The following LAYN variants were observed in gnomAD, a reference collection of about 807,000 sequenced individuals.
LAYN encodes layilin.
LAYN carries 38 observed loss-of-function variants against 43.6 expected under a neutral mutation model. That is an observed-to-expected ratio of 0.87 (90% confidence interval 0.67 to 1.14). The LOEUF is 1.14. Ranked by LOEUF, LAYN falls within the 50% of genes most tolerant of loss-of-function variation. The probability of loss-of-function intolerance (pLI) is 0.00; values close to 1 mark genes in which losing one functional copy is unlikely to be tolerated. For synonymous variants in LAYN, 168 were observed against 172.9 expected (o/e 0.97, Z 0.22); for missense variants, 479 against 463.8 (o/e 1.03, Z -0.30).
At position 111,560,294 on chromosome 11, in the gene LAYN, T is replaced by C. The variant is rs769001778; in HGVS notation, c.961T>C (p.Cys321Arg). The change falls in exon 7 of 7, where the codon TGT becomes CGT. Residue 321 changes from cysteine (C) to arginine (R), a missense_variant. Cys to Arg is a radical substitution (Grantham distance 180). Transcript: ENST00000375614. ...SGEATPDDMS[C>R]DYDNMAVNPS... The stretch of plus-strand genomic sequence containing the variant: ...AGAAGCCACTCCCGATGACATGTCT[T>C]GTGACTATGACAACATGGCTGTGAA... 1 of 1,614,188 alleles carries C rather than the reference T, an allele frequency of 6.2e-7. No homozygotes were observed. The highest frequency in any genetic ancestry group is 1.1e-5 in the South Asian group (1 of 91,080).
Position 111,561,338 on chromosome 11 carries a change from C to A in LAYN, c.*880C>A, listed in dbSNP as rs1022986642. 1.3e-5 allele frequency: 2 copies of A among 152,200 alleles called. No homozygotes were observed. The highest frequency in any genetic ancestry group is 2.9e-5 in the Non-Finnish European group (2 of 68,038). The allele number at this position is 152,200 out of a possible 1,614,324, so 9.4% of individuals were successfully genotyped here. On this transcript the variant is annotated 3_prime_UTR_variant, in exon 7 of 7. Coordinates refer to ENST00000375614, the MANE Select transcript of LAYN (RefSeq NM_178834.5). ...TCACGCCACTGCTCTCCTGCGTGGG[C>A]AACAGAATGAGACCCTGTCTCTAAA...
chr11:111,558,121 C>T (rs1166776299), intron 6 of LAYN, among the ~76,000 whole-genome samples: 4 of 152,178 alleles, frequency 2.6e-5, no homozygotes, highest in African/African-American at 7.2e-5. Flanking sequence ...TAATTCAGTA[C>T]ACAAGTATAG....
At position 111,546,463 on chromosome 11, in the gene LAYN, G is replaced by GA. The variant is rs548359910; in HGVS notation, c.383+2246dup. 5.3e-5 allele frequency among the ~76,000 whole-genome samples: 8 copies of GA among 152,334 alleles called. No homozygotes were observed. In the South Asian group the frequency reaches 1.2e-3, roughly 24 times the overall value. ...TGGTCTCTTTCAAGGCCACCTCAGT[G>GA]AAACTGCAGTGCAGCTGCTGTCCAT... On this transcript the variant is annotated intron_variant, in intron 2 of 6. Transcript: ENST00000375614.
At chr11:111,555,314 A>G (rs1322363690) in intron 5 of LAYN, 24 bp downstream of exon 5, 2 of 1,523,080 alleles carry the variant, frequency 1.3e-6, no homozygotes, top group South Asian at 2.3e-5. Flanking sequence ...TCTCCTGGGA[A>G]AGATGAATAA....
chr11:111,555,143 G>A (rs1867811509), intron 4 of LAYN, 64 bp from the exon 5 acceptor site: 1 of 1,212,090 alleles, frequency 8.3e-7, no homozygotes, highest in Admixed American at 1.8e-5. Flanking sequence ...AACATGGTAG[G>A]ACCTCAAAGA....
chr11:111,541,240 G>T, intron 1 of LAYN: 6 of 591,136 alleles, frequency 1.0e-5, no homozygotes, highest in Non-Finnish European at 1.8e-5. Flanking sequence ...GCCCCAGTGG[G>T]TGCCCCTTCG....
intron 3 of LAYN, among the ~76,000 whole-genome samples, chr11:111,553,077 C>T (rs2135799982): frequency 6.6e-6 from 1 of 152,078 alleles, no homozygotes; most frequent in Non-Finnish European, 1.5e-5. Flanking sequence ...CCCGTCTCTA[C>T]TAAAAAATAC....
chr11:111,545,136 G>A (rs568529614), intron 2 of LAYN, among the ~76,000 whole-genome samples: 1 of 151,800 alleles, frequency 6.6e-6, no homozygotes, highest in East Asian at 1.9e-4. Context: ...CCATTACACT[G>A]ATCAGGTGCA....
rs1357782681 is a variant in LAYN, at chr11:111,553,034, G to A, written c.542-1527G>A. Among the ~76,000 whole-genome samples, 6 of 152,008 alleles carry A rather than the reference G, an allele frequency of 3.9e-5. No homozygotes were observed. The East Asian group carries it at 1.2e-3, about 29-fold the overall frequency. ...ATGTACAAAACCAGAATAATAATAA[G>A]GCCACCTCCCATCCTGGCTAACACT... On this transcript the variant is annotated intron_variant, in intron 3 of 6. Coordinates refer to ENST00000375614, the MANE Select transcript of LAYN (RefSeq NM_178834.5).
intron 1 of LAYN, among the ~76,000 whole-genome samples, chr11:111,542,400 G>C (rs1322383809): frequency 6.6e-6 from 1 of 152,236 alleles, no homozygotes; most frequent in Non-Finnish European, 1.5e-5. Context: ...TGCTCATTGA[G>C]AATTCCTTTA....
Position 111,558,789 on chromosome 11 carries a change from T to A in LAYN, c.761+1146T>A, listed in dbSNP as rs545932776. On this transcript the variant is annotated intron_variant, in intron 6 of 6. Transcript: ENST00000375614. ...TTATTATTTTATTTAAAAAAATATA[T>A]ATATATATATATATTTGAGACAGAG... is the stretch of plus-strand genomic sequence containing the variant. Among the ~76,000 whole-genome samples, 115 of 141,228 alleles carry A rather than the reference T, an allele frequency of 8.1e-4. 1 individual carries two copies. The highest frequency in any genetic ancestry group is 1.0e-3 in the Non-Finnish European group (68 of 65,124). 92.7% of individuals were successfully genotyped at this position (141,228 alleles called of 152,430 possible). A position where few individuals can be genotyped will look rare whatever the true frequency, so the allele number is the denominator to read the frequency against.
chr11:111,544,227 G>T lies in LAYN; in HGVS notation c.383+7G>T. On this transcript the variant is annotated splice_region_variant and intron_variant, in intron 2 of 6. Transcript: ENST00000375614. ...GCAGCATATCACAATTTAGGTAAGT[G>T]TGTGGAACCCACAGCTGCTGACTCA... 6.2e-7 allele frequency: 1 copy of T among 1,606,506 alleles called. No homozygotes were observed. The highest frequency in any genetic ancestry group is 1.1e-5 in the South Asian group (1 of 89,780).
chr11:111,549,631 G>A lies in LAYN; in HGVS notation c.397G>A (p.Asp133Asn). The change falls in exon 3 of 7, where the codon GAT becomes AAT. Residue 133 changes from aspartate to asparagine, a missense_variant. Coordinates refer to ENST00000375614, the MANE Select transcript of LAYN (RefSeq NM_178834.5). ...SISQFRNWYV[D>N]EPSCGSEVCV... ...CCTTCCCTACAGGAACTGGTATGTG[G>A]ATGAGCCATCCTGCGGCAGCGAGGT... 6.4e-7 allele frequency: 1 copy of A among 1,569,054 alleles called. No homozygotes were observed. The highest frequency in any genetic ancestry group is 8.6e-7 in the Non-Finnish European group (1 of 1,163,314).
intron 6 of LAYN, among the ~76,000 whole-genome samples, chr11:111,558,344 C>T (rs1867881502): frequency 2.0e-5 from 3 of 152,050 alleles, no homozygotes; most frequent in African/African-American, 7.3e-5. Context: ...ATTTGACTCC[C>T]TTTAAAGACC....
At chr11:111,557,768 G>A in intron 6 of LAYN, 125 bp downstream of exon 6, 1 of 804,684 alleles carries the variant, frequency 1.2e-6, no homozygotes, top group South Asian at 1.5e-5. Flanking sequence ...AGATTGGAGA[G>A]TGGGTTCTCT....
At chr11:111,543,879 T>C in intron 1 of LAYN, 44 bp from the exon 2 acceptor site, 2 of 1,554,526 alleles carry the variant, frequency 1.3e-6, no homozygotes, top group Non-Finnish European at 1.7e-6. Context: ...TGCCCCGGTA[T>C]ACTTTTTGAG....
rs566576035 is a variant in LAYN, at chr11:111,560,534, A to T, written c.*76A>T. 33 of 1,461,558 alleles carry T rather than the reference A, an allele frequency of 2.3e-5. No individual in the cohort carries two copies. In the South Asian group the frequency reaches 4.0e-4, roughly 18 times the overall value. 90.5% of individuals were successfully genotyped at this position (1,461,558 alleles called of 1,614,324 possible). The stretch of plus-strand genomic sequence containing the variant: ...AATCCTCTTATTTTCTATAAGGAAA[A>T]TACACAGAAGGTCTATGAACAAGCT... On this transcript the variant is annotated 3_prime_UTR_variant, in exon 7 of 7. Coordinates refer to ENST00000375614, the MANE Select transcript of LAYN (RefSeq NM_178834.5).
In LAYN at chr11:111,544,028, G is replaced by A. The variant is rs759541337; in HGVS notation, c.191G>A (p.Arg64Lys). 19 of 1,614,204 alleles carry A rather than the reference G, an allele frequency of 1.2e-5. No individual in the cohort carries two copies. In the Middle Eastern group the frequency reaches 8.2e-4, roughly 70 times the overall value. Residue 64 changes from arginine to lysine, a missense_variant, in exon 2 of 7, where the codon AGG becomes AAG. Physicochemically the swap from Arg to Lys is conservative, Grantham distance 26 (BLOSUM62 2). Coordinates refer to ENST00000375614, the MANE Select transcript of LAYN (RefSeq NM_178834.5). The stretch of plus-strand genomic sequence containing the variant: ...TTTGAGGAAGCCAAAGAAGCCTGCA[G>A]GAGGGATGGAGGCCAGCTAGTCAGC... The part of the protein sequence containing the change: ...LNFEEAKEAC[R>K]RDGGQLVSIE...
rs1428000642 is a variant in LAYN at position 111,560,656 on chromosome 11, C to T, written c.*198C>T. 5.1e-6 allele frequency: 3 copies of T among 587,974 alleles called. No individual in the cohort carries two copies. Among genetic ancestry groups the T allele is most frequent in the East Asian group, 2.9e-5 (1 of 34,210 alleles). 36.4% of individuals were successfully genotyped at this position (587,974 alleles called of 1,614,324 possible). A position where few individuals can be genotyped will look rare whatever the true frequency, so the allele number is the denominator to read the frequency against. ...CTTTATCCCAGCCAGTCATCCAGCT[C>T]GACCTTATGAGAAGGTACCTTGCCC... On this transcript the variant is annotated 3_prime_UTR_variant, in exon 7 of 7. Transcript: ENST00000375614.
Sources: allele counts gnomAD v4.1 joint callset (sites outside exome capture counted in the v4.1 genomes callset), GRCh38; gene constraint gnomAD v4.1.1; transcripts MANE v1.5; gene names NCBI Gene and HGNC (gene_info 2026-07-23, HGNC 2026-07-21).